Variants in CSMD2 observed in about 807,000 individuals in gnomAD.
CSMD2 encodes the protein CUB and Sushi multiple domains 2, also known as CUB and sushi domain-containing protein 2.
In CSMD2, 130 loss-of-function variants were observed where a neutral mutation model predicts 398.5. The ratio of observed to expected loss-of-function variants is 0.33; its 90% CI spans 0.28 to 0.38. CSMD2 has a LOEUF of 0.38. Among genes scored for constraint, CSMD2 ranks in the 10% least tolerant of loss-of-function variants. The pLI, the probability that CSMD2 is intolerant of heterozygous loss-of-function variation, is 1.00. For synonymous variants in CSMD2, 1,828 were observed against 1,908.5 expected (o/e 0.96, Z 1.10); for missense variants, 3,829 against 4,764.9 (o/e 0.80, Z 5.78).
intron 62 of CSMD2, among the ~76,000 whole-genome samples, chr1:33,536,791 C>T (rs1422025645): frequency 5.3e-5 from 8 of 152,238 alleles, no homozygotes; most frequent in Non-Finnish European, 8.8e-5. Flanking sequence ...TGGAACTGCA[C>T]GCCATCTGTC....
intron 5 of CSMD2, among the ~76,000 whole-genome samples, chr1:33,888,194 A>G (rs948302187): frequency 6.6e-6 from 1 of 152,208 alleles, no homozygotes; most frequent in Non-Finnish European, 1.5e-5. Context: ...CTCCAAATCA[A>G]TCTACAAATT....
intron 2 of CSMD2, among the ~76,000 whole-genome samples, chr1:34,058,740 C>T (rs945351853): frequency 1.4e-4 from 21 of 152,178 alleles, no homozygotes; most frequent in East Asian, 3.9e-4. Context: ...CAGCACTGTT[C>T]GCCCTACTTT....
intron 22 of CSMD2, among the ~76,000 whole-genome samples, chr1:33,701,395 A>G (rs1645608813): frequency 6.6e-6 from 1 of 152,252 alleles, no homozygotes; most frequent in Non-Finnish European, 1.5e-5. Context: ...AGAATAATGA[A>G]CTGGCTCCCC....
chr1:33,783,471 CTCT>C, intron 12 of CSMD2, among the ~76,000 whole-genome samples: 1 of 125,170 alleles, frequency 8.0e-6, no homozygotes, highest in Non-Finnish European at 1.8e-5. Flanking sequence ...CTCTCTCTCT[CTCT>C]CCTGTGTGTG....
At chr1:33,926,204 G>A (rs1408769681) in intron 4 of CSMD2, among the ~76,000 whole-genome samples, 1 of 152,168 alleles carries the variant, frequency 6.6e-6, no homozygotes, top group Non-Finnish European at 1.5e-5. Context: ...ACTAATATCT[G>A]CTGAACAAAT....
intron 15 of CSMD2, 122 bp from the exon 16 acceptor site, chr1:33,726,807 TA>T: frequency 2.8e-6 from 3 of 1,055,232 alleles, no homozygotes; most frequent in Non-Finnish European, 4.0e-6. Flanking sequence ...GAAAATTACA[TA>T]AACTATAAAC....
rs1645336723 is a variant in CSMD2, at chr1:33,694,142, G to C, written c.3926-1086C>G. ...ATATAGATGAACGCTGAAAACATTA[G>C]TTAAGTGAAGGAAGTCAGACACATT... On this transcript the variant is annotated intron_variant, in intron 24 of 70. Transcript: ENST00000373381. Among the ~76,000 whole-genome samples, 4 of 152,336 alleles carry C rather than the reference G, an allele frequency of 2.6e-5. No homozygotes were observed. In the South Asian group the frequency reaches 8.3e-4, roughly 32 times the overall value.
At chr1:33,886,071 G>A (rs1037770645) in intron 5 of CSMD2, among the ~76,000 whole-genome samples, 1 of 152,256 alleles carries the variant, frequency 6.6e-6, no homozygotes, top group Admixed American at 6.5e-5. Context: ...CAATTCTTAT[G>A]GTCGCTGATA....
rs182819793 is a variant in CSMD2, at chr1:33,646,818, C to T, written c.4604G>A (p.Gly1535Asp). Residue 1535 changes from glycine (G) to aspartate (D), a missense_variant, in exon 29 of 71, where the codon GGC becomes GAC. Gly to Asp is a moderately conservative substitution (Grantham distance 94, BLOSUM62 -1). Coordinates refer to ENST00000373381, the MANE Select transcript of CSMD2 (RefSeq NM_001281956.2). ...LVFNIFNLEP[G>D]YDFLHIYDGR... ...GTCGTAGATATGGAGGAAGTCATAG[C>T]CAGGCTCCAGGTTAAAGCTGGGGAA... The T allele has an allele frequency of 1.2e-6, 2 of 1,612,084 alleles. No homozygotes were observed. The highest frequency in any genetic ancestry group is 1.7e-6 in the Non-Finnish European group (2 of 1,178,960).
chr1:33,555,995 T>C (rs1471043665), intron 55 of CSMD2, among the ~76,000 whole-genome samples: 2 of 151,940 alleles, frequency 1.3e-5, no homozygotes, highest in African/African-American at 4.8e-5. Context: ...CTTTGATGGG[T>C]TCAAGACTTC....
intron 65 of CSMD2, among the ~76,000 whole-genome samples, chr1:33,526,852 T>C (rs1176694538): frequency 6.6e-6 from 1 of 152,210 alleles, no homozygotes; most frequent in Non-Finnish European, 1.5e-5. Context: ...ACTGTAACCA[T>C]TTCCAGGAAG....
At chr1:33,874,563 G>A (rs796615179) in intron 5 of CSMD2, among the ~76,000 whole-genome samples, 3 of 152,270 alleles carry the variant, frequency 2.0e-5, no homozygotes, top group African/African-American at 7.2e-5. Context: ...AGGCCTCCTG[G>A]GCATCTGGAC....
At chr1:33,574,478 A>T (rs1659888770) in intron 49 of CSMD2, among the ~76,000 whole-genome samples, 1 of 152,214 alleles carries the variant, frequency 6.6e-6, no homozygotes, top group Admixed American at 6.5e-5. Context: ...CAAAGTACCC[A>T]CTACTGCCTC....
At chr1:33,637,695 C>T (rs1642886044) in intron 29 of CSMD2, among the ~76,000 whole-genome samples, 2 of 152,198 alleles carry the variant, frequency 1.3e-5, no homozygotes, top group African/African-American at 4.8e-5. Flanking sequence ...AACTGAGTAT[C>T]AGGTTGACTG....
intron 9 of CSMD2, among the ~76,000 whole-genome samples, chr1:33,819,257 A>G (rs1367607588): frequency 6.6e-6 from 1 of 152,214 alleles, no homozygotes; most frequent in East Asian, 1.9e-4. Context: ...GCATGTCATC[A>G]CTACATAGGT....
chr1:33,854,315 G>C (rs914669741), intron 5 of CSMD2, among the ~76,000 whole-genome samples: 3 of 152,202 alleles, frequency 2.0e-5, no homozygotes, highest in African/African-American at 7.2e-5. Context: ...TAAAGAAAGG[G>C]CTCAGTAAAT....
chr1:33,605,310 G>T lies in CSMD2; in HGVS notation c.6504C>A (p.Asn2168Lys), dbSNP rs1249278684. The T allele has an allele frequency of 6.2e-7, 1 of 1,614,204 alleles. No homozygotes were observed. The change falls in exon 42 of 71, where the codon AAC becomes AAA. Residue 2168 changes from asparagine to lysine, a missense_variant. Coordinates refer to ENST00000373381, the MANE Select transcript of CSMD2 (RefSeq NM_001281956.2). Reference protein sequence around the residue: ...VLTCQHGTNRNWDHPLPKCEV... With the variant: ...VLTCQHGTNRKWDHPLPKCEV... ...CACACTTGGGCAGGGGGTGGTCCCA[G>T]TTCCGGTTGGTGCCATGTTGACACG... is the stretch of plus-strand genomic sequence containing the variant.
chr1:34,054,597 G>A (rs146151768), intron 2 of CSMD2, among the ~76,000 whole-genome samples: 212 of 152,204 alleles, frequency 1.4e-3, no homozygotes, highest in Non-Finnish European at 1.7e-3. Flanking sequence ...ATAATTAGCC[G>A]GGCGTGGTGG....
chr1:34,104,358 A>C (rs1389797264), intron 1 of CSMD2, among the ~76,000 whole-genome samples: 2 of 152,228 alleles, frequency 1.3e-5, no homozygotes, highest in Non-Finnish European at 2.9e-5. Flanking sequence ...TCTACAAATA[A>C]TGATAATTTT....
Sources: allele counts gnomAD v4.1 joint callset (sites outside exome capture counted in the v4.1 genomes callset), GRCh38; gene constraint gnomAD v4.1.1; transcripts MANE v1.5; gene names NCBI Gene and HGNC (gene_info 2026-07-23, HGNC 2026-07-21).